Variants in GADL1 observed in about 807,000 individuals in gnomAD.
GADL1 encodes GAD like acidic amino acid decarboxylase 1, also known as acidic amino acid decarboxylase GADL1.
Under a neutral mutation model 69.5 loss-of-function variants are expected in GADL1, and 71 were observed. That is an observed-to-expected ratio of 1.02 (90% CI 0.84 to 1.25). The LOEUF is 1.25. Among genes scored for constraint, GADL1 ranks in the 50% most tolerant of loss-of-function variants. The pLI, the probability that GADL1 is intolerant of heterozygous loss-of-function variation, is 0.00. For missense variants in GADL1, 737 were observed against 631.8 expected (o/e 1.17, Z -1.79); for synonymous variants, 254 against 214.4 (o/e 1.18, Z -1.62).
intron 12 of GADL1, among the ~76,000 whole-genome samples, chr3:30,797,057 T>C (rs906475673): frequency 6.6e-6 from 1 of 152,166 alleles, no homozygotes; most frequent in African/African-American, 2.4e-5. Context: ...CAAAGGAGTA[T>C]TATAACGCAA....
chr3:30,801,117 T>TCTTG, intron 11 of GADL1, 29 bp from the exon 12 acceptor site: 1 of 1,539,302 alleles, frequency 6.5e-7, no homozygotes, highest in Non-Finnish European at 9.0e-7. Flanking sequence ...TACAAGACTG[T>TCTTG]TAAACTTTAG....
At chr3:30,791,161 A>G (rs929991906) in intron 12 of GADL1, among the ~76,000 whole-genome samples, 67 of 152,190 alleles carry the variant, frequency 4.4e-4, no homozygotes, top group Non-Finnish European at 1.5e-4. Flanking sequence ...GGTTACTTAT[A>G]TAGTTTTTGA....
At position 30,728,251 on chromosome 3, in the gene GADL1, T is replaced by C. The variant is rs753190108; in HGVS notation, c.1557A>G (p.Lys519=). The change falls in exon 15 of 15, where the codon AAA becomes AAG. Residue 519 remains lysine, a synonymous_variant. Coordinates refer to ENST00000282538, the MANE Select transcript of GADL1 (RefSeq NM_207359.3). ...FLLDEIDLLG[K]DM ...GGGACCAAAGCCACAGCTACATGTC[T>C]TTACCCAGTAAGTCTATCTCATCCA... The C allele has an allele frequency of 1.9e-6, 3 of 1,613,660 alleles. No individual in the cohort carries two copies. In the South Asian group the frequency reaches 3.3e-5, roughly 18 times the overall value.
chr3:30,800,921 T>C lies in GADL1; in HGVS notation c.1218A>G (p.Glu406=), dbSNP rs754224909. 1 of 1,612,776 alleles carries C rather than the reference T, an allele frequency of 6.2e-7. No individual in the cohort carries two copies. The highest frequency in any genetic ancestry group is 1.1e-5 in the South Asian group (1 of 91,048). ...TWKALGTLGL[E]ERVNRALALS... ...AAGCAAGAGCACGATTAACTCTTTC[T>C]TCAAGGCCTAATGTACCCAGGGCCT... The change falls in exon 12 of 15, where the codon GAA becomes GAG. Residue 406 remains glutamate (E), a synonymous_variant. Transcript: ENST00000282538.
At chr3:30,745,457 A>C (rs1053812488) in intron 14 of GADL1, among the ~76,000 whole-genome samples, 1 of 152,228 alleles carries the variant, frequency 6.6e-6, no homozygotes, top group Admixed American at 6.5e-5. Flanking sequence ...TCTGTGTTCC[A>C]CACCCAAATC....
intron 1 of GADL1, among the ~76,000 whole-genome samples, chr3:30,870,597 C>A (rs12635150): frequency 6.6e-6 from 1 of 151,328 alleles, no homozygotes; most frequent in African/African-American, 2.4e-5. Context: ...CTCTGGATGC[C>A]GTGTAGAGAA....
intron 1 of GADL1, among the ~76,000 whole-genome samples, chr3:30,877,317 C>A (rs1698591143): frequency 6.6e-6 from 1 of 151,882 alleles, no homozygotes; most frequent in Non-Finnish European, 1.5e-5. Context: ...AAATGCTAAG[C>A]TGACATATTG....
chr3:30,848,335 T>C (rs941807146), intron 6 of GADL1, among the ~76,000 whole-genome samples: 1 of 152,160 alleles, frequency 6.6e-6, no homozygotes, highest in Non-Finnish European at 1.5e-5. Flanking sequence ...CACTTAGTGC[T>C]GAAAGATCCA....
Position 30,829,469 on chromosome 3 carries a change from T to G in GADL1, c.1050+4384A>C, listed in dbSNP as rs140596316. On this transcript the variant is annotated intron_variant, in intron 11 of 14. Coordinates refer to ENST00000282538, the MANE Select transcript of GADL1 (RefSeq NM_207359.3). ...AATTTCTTTTAAACTAGAGTTATCC[T>G]TTTACATCAACAGAAGAACCAATTA... Among the ~76,000 whole-genome samples the G allele has an allele frequency of 7.5e-3, 1,137 of 152,014 alleles. 16 individuals are homozygous for G. Among genetic ancestry groups the G allele is most frequent in the African/African-American group, 0.026 (1,087 of 41,512 alleles).
intron 13 of GADL1, among the ~76,000 whole-genome samples, chr3:30,783,143 T>C (rs926191535): frequency 6.6e-6 from 1 of 152,214 alleles, no homozygotes; most frequent in Admixed American, 6.5e-5. Context: ...AAGTTGACTA[T>C]ATGTCCTCGA....
chr3:30,860,122 C>G (rs1698298520), intron 2 of GADL1, among the ~76,000 whole-genome samples: 1 of 151,858 alleles, frequency 6.6e-6, no homozygotes, highest in African/African-American at 2.4e-5. Flanking sequence ...CCACTGCCCC[C>G]CAAAATTCTC....
rs79187035 is a variant in GADL1 at position 30,740,707 on chromosome 3, G to A, written c.1393-12292C>T. On this transcript the variant is annotated intron_variant, in intron 14 of 14. Coordinates refer to ENST00000282538, the MANE Select transcript of GADL1 (RefSeq NM_207359.3). Reference sequence around the variant, plus strand: ...CAAGTTATCTACCAGCCATTTGAATGTCTTCTTTTTGTGAAATGCCTATTT... The same window carrying A: ...CAAGTTATCTACCAGCCATTTGAATATCTTCTTTTTGTGAAATGCCTATTT... 2.4e-3 allele frequency among the ~76,000 whole-genome samples: 358 copies of A among 151,668 alleles called. 11 individuals carry two copies. The East Asian group carries it at 0.054, about 23-fold the overall frequency.
chr3:30,790,299 A>C (rs951807062), intron 12 of GADL1, among the ~76,000 whole-genome samples: 3 of 152,196 alleles, frequency 2.0e-5, no homozygotes, highest in African/African-American at 7.2e-5. Context: ...CTATGGGTGC[A>C]TTCTATGGAG....
In GADL1 at chr3:30,840,348, G is replaced by A. The variant is rs75297480; in HGVS notation, c.787-1235C>T. Among the ~76,000 whole-genome samples, 240 of 152,216 alleles carry A rather than the reference G, an allele frequency of 1.6e-3. 5 individuals carry two copies. The East Asian group carries it at 0.035, about 22-fold the overall frequency. ...ACTGAGATGCATACGGATCAAAGTG[G>A]TGGTATATAACAAATCCATTTGCCA... On this transcript the variant is annotated intron_variant, in intron 8 of 14. Transcript: ENST00000282538.
chr3:30,796,961 A>G (rs1384050923), intron 12 of GADL1, among the ~76,000 whole-genome samples: 2 of 152,178 alleles, frequency 1.3e-5, no homozygotes, highest in Admixed American at 1.3e-4. Context: ...GCCCTTTGCT[A>G]TGTAACTTTG....
chr3:30,822,072 G>C (rs1303061074), intron 11 of GADL1, among the ~76,000 whole-genome samples: 1 of 152,010 alleles, frequency 6.6e-6, no homozygotes, highest in Non-Finnish European at 1.5e-5. Context: ...GGGATAATTT[G>C]CTCATATGGA....
chr3:30,763,674 A>G (rs1423536096), intron 14 of GADL1, among the ~76,000 whole-genome samples: 1 of 152,172 alleles, frequency 6.6e-6, no homozygotes, highest in Non-Finnish European at 1.5e-5. Context: ...GTATCTCAGA[A>G]TTTATTGAAT....
At chr3:30,885,217 C>A (rs865902640) in intron 1 of GADL1, among the ~76,000 whole-genome samples, 8 of 152,138 alleles carry the variant, frequency 5.3e-5, no homozygotes, top group Admixed American at 4.6e-4. Flanking sequence ...CACTGTTCCT[C>A]CATTTTTTGC....
intron 14 of GADL1, among the ~76,000 whole-genome samples, chr3:30,760,850 C>T (rs1218950909): frequency 6.6e-6 from 1 of 152,076 alleles, no homozygotes; most frequent in Non-Finnish European, 1.5e-5. Flanking sequence ...CTCAAATATA[C>T]TGATAAAGAT....
Sources: allele counts gnomAD v4.1 joint callset (sites outside exome capture counted in the v4.1 genomes callset), GRCh38; gene constraint gnomAD v4.1.1; transcripts MANE v1.5; gene names NCBI Gene and HGNC (gene_info 2026-07-23, HGNC 2026-07-21).